Variants in ABCA13 observed in about 807,000 individuals in gnomAD.
ABCA13 encodes the protein ATP binding cassette subfamily A member 13, also known as ATP-binding cassette sub-family A member 13.
Under a neutral mutation model 478.7 loss-of-function variants are expected in ABCA13, and 476 were observed. The observed-to-expected ratio is 0.99, with a 90% CI of 0.92 to 1.07. The LOEUF is 1.07. ABCA13 is among the 50% of genes least tolerant of loss of function. The pLI is 0.00. For synonymous variants in ABCA13, 2,252 were observed against 2,158.9 expected (o/e 1.04, Z -1.20); for missense variants, 6,060 against 5,910.6 (o/e 1.03, Z -0.83).
intron 56 of ABCA13, among the ~76,000 whole-genome samples, chr7:48,584,643 A>G (rs972243341): frequency 1.3e-5 from 2 of 152,194 alleles, no homozygotes; most frequent in Admixed American, 1.3e-4. Context: ...GACCACCCTC[A>G]ACCCTGAACT....
chr7:48,524,578 C>T (rs973310079), intron 54 of ABCA13, 138 bp downstream of exon 54: 6 of 731,324 alleles, frequency 8.2e-6, no homozygotes, highest in Non-Finnish European at 1.3e-5. Context: ...CCTACAAAAT[C>T]AGTAGGAGCA....
intron 13 of ABCA13, among the ~76,000 whole-genome samples, chr7:48,246,691 A>G (rs1791739003): frequency 6.6e-6 from 1 of 152,214 alleles, no homozygotes; most frequent in Non-Finnish European, 1.5e-5. Context: ...CAAAATGAAA[A>G]TTGGGATAGT....
chr7:48,519,654 C>T (rs953979648), intron 52 of ABCA13, among the ~76,000 whole-genome samples: 3 of 152,118 alleles, frequency 2.0e-5, no homozygotes, highest in Non-Finnish European at 2.9e-5. Flanking sequence ...AATCCTAAAT[C>T]GAACACTTAT....
intron 15 of ABCA13, among the ~76,000 whole-genome samples, chr7:48,259,057 G>A (rs1001404087): frequency 2.6e-5 from 4 of 151,942 alleles, no homozygotes; most frequent in Non-Finnish European, 4.4e-5. Flanking sequence ...TATGTGCCAT[G>A]TGCACGTGAG....
At chr7:48,237,623 G>A (rs917130535) in intron 8 of ABCA13, among the ~76,000 whole-genome samples, 1 of 152,172 alleles carries the variant, frequency 6.6e-6, no homozygotes, top group Admixed American at 6.5e-5. Flanking sequence ...CCTCCCTGGG[G>A]TCTGTCTGAC....
chr7:48,468,803 A>G (rs1827161880), intron 44 of ABCA13, among the ~76,000 whole-genome samples: 2 of 152,194 alleles, frequency 1.3e-5, no homozygotes, highest in Admixed American at 6.5e-5. Flanking sequence ...TGTCAACTCA[A>G]TGGTGCTATG....
intron 15 of ABCA13, 130 bp from the exon 16 acceptor site, chr7:48,268,850 C>CTTTTTTTTTTTTTTTTTTTTT (rs57201740): frequency 4.2e-6 from 1 of 236,172 alleles, no homozygotes; most frequent in African/African-American, 2.9e-5. Flanking sequence ...TCCTACTCAT[C>CTTTTTTTTTTTTTTTTTTTTT]TTTTTTTTTT....
chr7:48,591,918 T>C (rs147111975), intron 57 of ABCA13, among the ~76,000 whole-genome samples: 1 of 152,020 alleles, frequency 6.6e-6, no homozygotes, highest in Non-Finnish European at 1.5e-5. Flanking sequence ...GAAAAGATGA[T>C]TTTACTTCTT....
intron 44 of ABCA13, 78 bp downstream of exon 44, chr7:48,467,123 A>G (rs772314772): frequency 3.8e-5 from 50 of 1,331,552 alleles, no homozygotes; most frequent in Non-Finnish European, 4.9e-5. Context: ...GTTTTTCTTC[A>G]TGATTGGTTA....
At chr7:48,208,558 A>G (rs950000690) in intron 3 of ABCA13, among the ~76,000 whole-genome samples, 2 of 151,682 alleles carry the variant, frequency 1.3e-5, no homozygotes, top group African/African-American at 4.8e-5. Context: ...ATGTTATTTT[A>G]TTTGTAGCTA....
At chr7:48,470,740 T>C (rs1048738343) in intron 44 of ABCA13, among the ~76,000 whole-genome samples, 1 of 152,198 alleles carries the variant, frequency 6.6e-6, no homozygotes, top group African/African-American at 2.4e-5. Context: ...CAGCACACAC[T>C]TTGCATAGAG....
At chr7:48,269,584 T>C (rs1290676356) in intron 16 of ABCA13, among the ~76,000 whole-genome samples, 1 of 152,226 alleles carries the variant, frequency 6.6e-6, no homozygotes, top group Admixed American at 6.5e-5. Flanking sequence ...GAATAGTGTG[T>C]CCAGTTTAAA....
intron 42 of ABCA13, among the ~76,000 whole-genome samples, chr7:48,441,901 T>C (rs978168399): frequency 6.6e-6 from 1 of 152,070 alleles, no homozygotes; most frequent in Non-Finnish European, 1.5e-5. Context: ...AAATGAAAAC[T>C]GTGCGATGAG....
At chr7:48,598,470 G>T (rs943214970) in intron 58 of ABCA13, among the ~76,000 whole-genome samples, 5 of 152,200 alleles carry the variant, frequency 3.3e-5, no homozygotes, top group Non-Finnish European at 7.3e-5. Context: ...GGATCGGATG[G>T]TAAGAGTATG....
intron 43 of ABCA13, among the ~76,000 whole-genome samples, chr7:48,456,120 T>G: frequency 6.6e-6 from 1 of 152,208 alleles, no homozygotes; most frequent in East Asian, 1.9e-4. Flanking sequence ...GACAAATGAC[T>G]GGAACTCAGT....
At chr7:48,239,220 A>G (rs1562851916) in intron 8 of ABCA13, 21 bp from the exon 9 acceptor site, 1 of 1,613,094 alleles carries the variant, frequency 6.2e-7, no homozygotes, top group South Asian at 1.1e-5. Flanking sequence ...ATGTCTAAAT[A>G]TTTTTTCATA....
intron 31 of ABCA13, among the ~76,000 whole-genome samples, chr7:48,364,217 C>A (rs1284254633): frequency 2.0e-5 from 3 of 152,146 alleles, no homozygotes; most frequent in Non-Finnish European, 2.9e-5. Context: ...TAGCCTCCGT[C>A]TTCTGTTTCC....
At chr7:48,172,621 C>T (rs1024296530) in intron 1 of ABCA13, among the ~76,000 whole-genome samples, 4 of 151,402 alleles carry the variant, frequency 2.6e-5, no homozygotes, top group Admixed American at 2.0e-4. Context: ...CAGTGAAACC[C>T]CGTCTCTACT....
intron 4 of ABCA13, among the ~76,000 whole-genome samples, chr7:48,220,001 A>G (rs1787135294): frequency 6.6e-6 from 1 of 151,494 alleles, no homozygotes; most frequent in African/African-American, 2.4e-5. Context: ...ACCCTTTAAG[A>G]CTGGCCTTGG....
Sources: gnomAD v4.1 joint callset for allele counts (sites outside exome capture counted in the v4.1 genomes callset) on GRCh38, gnomAD v4.1.1 for gene constraint, MANE v1.5 for transcripts, NCBI Gene and HGNC (gene_info 2026-07-23, HGNC 2026-07-21) for gene names.